Variants in PPCS observed in about 807,000 individuals in gnomAD.
PPCS encodes phosphopantothenoylcysteine synthetase, also known as phosphopantothenate--cysteine ligase.
A neutral mutation model predicts 24.6 loss-of-function variants in PPCS; 17 were observed. That is an observed-to-expected ratio of 0.69 (90% CI 0.47 to 1.04). PPCS has a LOEUF of 1.04. Ranked by LOEUF, PPCS falls within the 50% of genes least tolerant of loss-of-function variation. The pLI is 0.00. For synonymous variants in PPCS, 190 were observed against 168.3 expected (o/e 1.13, Z -1.00); for missense variants, 360 against 402.8 (o/e 0.89, Z 0.91).
At chr1:42,459,348 G>A in intron 2 of PPCS, 1 of 432,690 alleles carries the variant, frequency 2.3e-6, no homozygotes, top group Middle Eastern at 6.4e-4. Flanking sequence ...TTTTTTTGTA[G>A]AGACATGGTT....
Position 42,457,337 on chromosome 1 carries a change from G to C in PPCS, c.599G>C (p.Gly200Ala). 6.2e-7 allele frequency: 1 copy of C among 1,613,844 alleles called. No individual in the cohort carries two copies. Among genetic ancestry groups the C allele is most frequent in the South Asian group, 1.1e-5 (1 of 91,070 alleles). ...EMPEHKIQSSGGPLQITMKMV... is the reference protein window; with the variant it reads ...EMPEHKIQSSAGPLQITMKMV... ...CCTGAACACAAGATCCAGTCATCTG[G>C]GGGCCCACTGCAGGTGATGGGCGCT... Residue 200 changes from glycine (G) to alanine (A), a missense_variant, in exon 2 of 3, where the codon GGG (glycine) becomes GCG (alanine). Physicochemically the swap from Gly to Ala is moderately conservative, Grantham distance 60. Coordinates refer to ENST00000372561, the MANE Select transcript of PPCS (RefSeq NM_024664.4).
Position 42,460,432 on chromosome 1 carries a change from A to C in PPCS, c.*506A>C. The C allele has an allele frequency of 1.0e-6, 1 of 966,868 alleles. No homozygotes were observed. The highest frequency in any genetic ancestry group is 1.2e-6 in the Non-Finnish European group (1 of 812,592). 59.9% of individuals were successfully genotyped at this position (966,868 alleles called of 1,614,324 possible). A position where few individuals can be genotyped will look rare whatever the true frequency, so the allele number is the denominator to read the frequency against. ...TGGAAAGGATGTTTTGTTTTGTTTGAAATTTATCAAATATAGTAGTAGGAA... is the reference window on the plus strand; with the variant it reads ...TGGAAAGGATGTTTTGTTTTGTTTGCAATTTATCAAATATAGTAGTAGGAA... On this transcript the variant is annotated 3_prime_UTR_variant, in exon 3 of 3. Coordinates refer to ENST00000372561, the MANE Select transcript of PPCS (RefSeq NM_024664.4).
intron 2 of PPCS, chr1:42,473,047 C>T (rs1643820702): frequency 8.3e-7 from 1 of 1,208,782 alleles, no homozygotes; most frequent in African/African-American, 1.6e-5. Context: ...TAAGGTGGCA[C>T]CCACATAGAT....
At position 42,458,288 on chromosome 1, in the gene PPCS, G is replaced by T. The variant is rs1388836717; in HGVS notation, c.612+938G>T. ...AGGAGAAAGTGGAGTGGGTAGATTA[G>T]TTGGGGGCTATTGTAGGTTAAGGAA... On this transcript the variant is annotated intron_variant, in intron 2 of 2. Coordinates refer to ENST00000372561, the MANE Select transcript of PPCS (RefSeq NM_024664.4). Among the ~76,000 whole-genome samples the T allele has an allele frequency of 3.3e-5, 5 of 152,218 alleles. No homozygotes were observed. In the East Asian group the frequency reaches 9.6e-4, roughly 29 times the overall value.
intron 2 of PPCS, among the ~76,000 whole-genome samples, chr1:42,471,252 G>A (rs1643761015): frequency 6.6e-6 from 1 of 152,132 alleles, no homozygotes; most frequent in Non-Finnish European, 1.5e-5. Flanking sequence ...CCAATATCCT[G>A]ATCCCCTTTT....
At chr1:42,464,711 C>T (rs1569649731), downstream of PPCS, among the ~76,000 whole-genome samples, 1 of 152,198 alleles carries the variant, frequency 6.6e-6, no homozygotes, top group Non-Finnish European at 1.5e-5. Context: ...TCTTACAATA[C>T]GCATTCCTTG....
chr1:42,462,796 C>T (rs1280964642), downstream of PPCS, among the ~76,000 whole-genome samples: 1 of 152,018 alleles, frequency 6.6e-6, no homozygotes, highest in African/African-American at 2.4e-5. Context: ...GCCTTAGGGA[C>T]AATTCTAGTC....
chr1:42,463,867 C>T (rs1643483829), downstream of PPCS: 1 of 152,140 alleles, frequency 6.6e-6, no homozygotes, highest in Non-Finnish European at 1.5e-5. Context: ...GATTTGGAGG[C>T]CTTTTGTATC....
At chr1:42,461,550 CTTTT>C (rs34955190), downstream of PPCS, among the ~76,000 whole-genome samples, 2 of 140,580 alleles carry the variant, frequency 1.4e-5, no homozygotes, top group Non-Finnish European at 3.1e-5. Flanking sequence ...TACCCAGGCT[CTTTT>C]TTTTTTTTTT....
exon 3 of PPCS, chr1:42,473,301 G>T: frequency 8.2e-7 from 1 of 1,226,812 alleles, no homozygotes; most frequent in Non-Finnish European, 1.0e-6. Context: ...TGAAACAAAA[G>T]AAGTGAGAAC....
intron 2 of PPCS, 25 bp downstream of exon 2, chr1:42,457,375 A>T (rs1354354462): frequency 6.3e-7 from 1 of 1,584,024 alleles, no homozygotes; most frequent in Admixed American, 1.7e-5. Context: ...TCTTCCAGAG[A>T]TCTAATCCCA....
chr1:42,463,090 C>T (rs1030016517), downstream of PPCS, among the ~76,000 whole-genome samples: 2 of 152,248 alleles, frequency 1.3e-5, no homozygotes, highest in Non-Finnish European at 2.9e-5. Context: ...ACCATGGTTA[C>T]AGCTGTCTCC....
At chr1:42,461,631 C>T (rs1643414359), downstream of PPCS, among the ~76,000 whole-genome samples, 1 of 151,398 alleles carries the variant, frequency 6.6e-6, no homozygotes, top group East Asian at 1.9e-4. Context: ...ACTGCAAGCT[C>T]TGCCTCCCGG....
upstream of PPCS, chr1:42,456,537 G>A (rs755654736): frequency 1.4e-6 from 2 of 1,445,034 alleles, no homozygotes; most frequent in South Asian, 1.5e-5. Flanking sequence ...GCCGCGAAAC[G>A]TGCGCAGGCG....
Position 42,461,182 on chromosome 1 carries a change from GTGTC to G in PPCS, c.*1263_*1266del, listed in dbSNP as rs1465369333. Among the ~76,000 whole-genome samples, 4 of 152,316 alleles carry G rather than the reference GTGTC, an allele frequency of 2.6e-5. No individual in the cohort carries two copies. The highest frequency in any genetic ancestry group is 2.1e-4 in the South Asian group (1 of 4,834). ...CATGGAGTAGGGAAGGGTAGCCCCT[GTGTC>G]TGTCTGATAATAGAAGTACAATAAA... is the stretch of plus-strand genomic sequence containing the variant. On this transcript the variant is annotated 3_prime_UTR_variant, in exon 3 of 3. Coordinates refer to ENST00000372561, the MANE Select transcript of PPCS (RefSeq NM_024664.4).
intron 2 of PPCS, among the ~76,000 whole-genome samples, chr1:42,471,464 A>G (rs572440840): frequency 3.0e-4 from 45 of 152,204 alleles, no homozygotes; most frequent in Admixed American, 1.1e-3. Context: ...TGGTGTTTAC[A>G]TAGTTATAAT....
intron 2 of PPCS, among the ~76,000 whole-genome samples, chr1:42,470,412 C>CA (rs906386800): frequency 2.0e-5 from 3 of 149,216 alleles, no homozygotes; most frequent in Non-Finnish European, 3.0e-5. Context: ...GACAGTTCCT[C>CA]AAAAAAAAAG....
rs777660196 is a variant in PPCS at position 42,456,587 on chromosome 1, G to C, written c.22G>C (p.Ala8Pro). 4.0e-6 allele frequency: 6 copies of C among 1,498,046 alleles called. No individual in the cohort carries two copies. The highest frequency in any genetic ancestry group is 1.4e-5 in the African/African-American group (1 of 70,902). 92.8% of individuals were successfully genotyped at this position (1,498,046 alleles called of 1,614,324 possible). The change falls in exon 1 of 3, where the codon GCC becomes CCC. Residue 8 changes from alanine to proline, a missense_variant. Coordinates refer to ENST00000372561, the MANE Select transcript of PPCS (RefSeq NM_024664.4). ...GCAGATGGCGGAAATGGATCCGGTA[G>C]CCGAGTTCCCCCAGCCTCCCGGTGC... is the stretch of plus-strand genomic sequence containing the variant. MAEMDPV[A>P]EFPQPPGAAR...
Position 42,456,767 on chromosome 1 carries a change from A to G in PPCS, c.202A>G (p.Thr68Ala). The G allele has an allele frequency of 6.2e-7, 1 of 1,612,352 alleles. No homozygotes were observed. The change falls in exon 1 of 3, where the codon ACC (threonine) becomes GCC (alanine). Residue 68 changes from threonine (T) to alanine (A), a missense_variant. By Grantham distance (58) the Thr-to-Ala change is moderately conservative. This residue lies in a region of PPCS where 244 missense variants were observed against 234.7 expected (regional missense o/e 1.04). Transcript: ENST00000372561. ...DNFSSGRRGA[T>A]SAEAFLAAGY... ...CTTCAGCAGCGGGCGGCGCGGTGCA[A>G]CCTCGGCCGAGGCCTTCCTAGCCGC...
Sources: gnomAD v4.1 joint callset for allele counts (sites outside exome capture counted in the v4.1 genomes callset) on GRCh38, gnomAD v4.1.1 for gene constraint, gnomAD v4.1.1 regional missense constraint, MANE v1.5 for transcripts, NCBI Gene and HGNC (gene_info 2026-07-23, HGNC 2026-07-21) for gene names.